SLC44A5: variants seen among roughly 807,000 people sequenced by gnomAD.
SLC44A5 encodes the protein choline transporter-like protein 5.
SLC44A5 carries 57 observed loss-of-function variants against 101.8 expected under a neutral mutation model. The observed-to-expected ratio is 0.56, with a 90% CI of 0.45 to 0.70. The LOEUF (loss-of-function observed/expected upper bound fraction) is 0.70, where lower values mean the gene tolerates loss of function less well. Among genes scored for constraint, SLC44A5 ranks in the 30% least tolerant of loss-of-function variants. SLC44A5 has a pLI of 0.00. For missense variants in SLC44A5, 737 were observed against 853.1 expected (o/e 0.86, Z 1.70); for synonymous variants, 281 against 290.9 (o/e 0.97, Z 0.35).
chr1:75,271,497 T>TTTTTTTTGTGTGTG (rs1553152601), intron 6 of SLC44A5, among the ~76,000 whole-genome samples: 14 of 146,396 alleles, frequency 9.6e-5, no homozygotes, highest in Middle Eastern at 3.5e-3. Context: ...TCTGCATGTT[T>TTTTTTTTGTGTGTG]TGTGTGTGTG....
At chr1:75,605,416 C>G (rs567697746) in intron 1 of SLC44A5, among the ~76,000 whole-genome samples, 289 of 151,980 alleles carry the variant, frequency 1.9e-3, no homozygotes, top group African/African-American at 6.7e-3. Context: ...ATCCAAAATC[C>G]TAATGGCCCA....
rs1450439462 is a variant in SLC44A5 at position 75,234,188 on chromosome 1, AT to A, written c.741-91del. On this transcript the variant is annotated intron_variant, in intron 11 of 23. Transcript: ENST00000370859. Reference sequence around the variant, plus strand: ...AGACAAAACTTTTTTTCTATTCAAAATTATTCTTAAATTCTTTTATTTTACC... The same window carrying A: ...AGACAAAACTTTTTTTCTATTCAAAATATTCTTAAATTCTTTTATTTTACC... 3 of 807,088 alleles carry A rather than the reference AT, an allele frequency of 3.7e-6. No individual in the cohort carries two copies. In the African/African-American group the frequency reaches 5.3e-5, roughly 14 times the overall value. The allele number at this position is 807,088 out of a possible 1,614,324, so 50.0% of individuals were successfully genotyped here. A position where few individuals can be genotyped will look rare whatever the true frequency, so the allele number is the denominator to read the frequency against.
chr1:75,297,769 G>C (rs538029967), intron 5 of SLC44A5, among the ~76,000 whole-genome samples: 21 of 152,246 alleles, frequency 1.4e-4, no homozygotes, highest in African/African-American at 4.1e-4. Flanking sequence ...ATAAAGGTTA[G>C]TTTGATCTTT....
chr1:75,641,868 T>G, the SLC44A5 span: 1 of 1,529,936 alleles, frequency 6.5e-7, no homozygotes, highest in Non-Finnish European at 9.1e-7. Flanking sequence ...ACCACTACTG[T>G]GATATATTTA....
intron 1 of SLC44A5, among the ~76,000 whole-genome samples, chr1:75,583,030 G>C (rs1352162085): frequency 6.6e-6 from 1 of 152,126 alleles, no homozygotes; most frequent in Non-Finnish European, 1.5e-5. Context: ...TTGTCATCCA[G>C]TATTAAAAAG....
At chr1:75,666,325 T>C in the SLC44A5 span, among the ~76,000 whole-genome samples, 1 of 152,134 alleles carries the variant, frequency 6.6e-6, no homozygotes, top group Non-Finnish European at 1.5e-5. Context: ...CTAGAAAATC[T>C]AGAAGAAATG....
chr1:75,653,030 T>A, the SLC44A5 span, among the ~76,000 whole-genome samples: 1 of 152,226 alleles, frequency 6.6e-6, no homozygotes, highest in Non-Finnish European at 1.5e-5. Context: ...ATTCTGTGAT[T>A]GAAACTTCCT....
chr1:75,503,273 C>CA (rs890666853), intron 2 of SLC44A5, among the ~76,000 whole-genome samples: 2 of 152,082 alleles, frequency 1.3e-5, no homozygotes, highest in Non-Finnish European at 2.9e-5. Flanking sequence ...ACATTCTCTT[C>CA]AAAAAATGCA....
intron 3 of SLC44A5, among the ~76,000 whole-genome samples, chr1:75,375,592 C>T (rs1269225321): frequency 2.7e-5 from 4 of 150,738 alleles, no homozygotes; most frequent in African/African-American, 9.8e-5. Context: ...AGAAAAGGGT[C>T]ATATCACTTT....
chr1:75,476,629 C>T (rs1667423113), intron 2 of SLC44A5, among the ~76,000 whole-genome samples: 1 of 152,244 alleles, frequency 6.6e-6, no homozygotes, highest in Middle Eastern at 3.2e-3. Context: ...GGTCCTACGC[C>T]CACGGAGTCT....
At chr1:75,536,782 G>A (rs1288552637) in intron 2 of SLC44A5, among the ~76,000 whole-genome samples, 22 of 146,162 alleles carry the variant, frequency 1.5e-4, no homozygotes, top group Non-Finnish European at 2.9e-4. Flanking sequence ...CGAGGCGGGC[G>A]GATCACGAGG....
At chr1:75,230,253 CTT>C (rs5775278) in intron 12 of SLC44A5, among the ~76,000 whole-genome samples, 26 of 146,916 alleles carry the variant, frequency 1.8e-4, no homozygotes, top group East Asian at 1.0e-3. Context: ...AATGAATTCA[CTT>C]TTTTTTTTTT....
intron 2 of SLC44A5, among the ~76,000 whole-genome samples, chr1:75,468,133 C>T (rs905460249): frequency 1.3e-5 from 2 of 152,036 alleles, no homozygotes; most frequent in Non-Finnish European, 2.9e-5. Flanking sequence ...CATCTCATCC[C>T]GGTTAAAATG....
At chr1:75,677,297 A>G in the SLC44A5 span, among the ~76,000 whole-genome samples, 1 of 152,212 alleles carries the variant, frequency 6.6e-6, no homozygotes, top group Admixed American at 6.5e-5. Flanking sequence ...ACTTTTCAAG[A>G]CATAGATAGT....
At chr1:75,674,925 G>A in the SLC44A5 span, among the ~76,000 whole-genome samples, 2 of 152,124 alleles carry the variant, frequency 1.3e-5, no homozygotes, top group Non-Finnish European at 2.9e-5. Flanking sequence ...GGTTGTAGAT[G>A]TGCAGTCTTA....
At chr1:75,311,370 G>T (rs1289954373) in intron 4 of SLC44A5, among the ~76,000 whole-genome samples, 1 of 152,166 alleles carries the variant, frequency 6.6e-6, no homozygotes, top group East Asian at 1.9e-4. Flanking sequence ...GCTGGGCTTG[G>T]CCTCCCAAAG....
chr1:75,377,918 A>AT (rs1207068191), intron 3 of SLC44A5, among the ~76,000 whole-genome samples: 9 of 35,348 alleles, frequency 2.5e-4, no homozygotes, highest in Non-Finnish European at 3.1e-4. Context: ...GGGATCCTCC[A>AT]TATGCTGAAC....
the SLC44A5 span, among the ~76,000 whole-genome samples, chr1:75,688,619 A>G: frequency 2.0e-5 from 3 of 152,102 alleles, no homozygotes; most frequent in Non-Finnish European, 4.4e-5. Context: ...AAGCCCTCCC[A>G]TTTTCAAAGC....
intron 3 of SLC44A5, among the ~76,000 whole-genome samples, chr1:75,348,264 C>T (rs994002996): frequency 6.6e-6 from 1 of 151,910 alleles, no homozygotes; most frequent in Non-Finnish European, 1.5e-5. Context: ...GGAAAAATAT[C>T]AGGCCAAAAT....
Sources: gnomAD v4.1 joint callset for allele counts (sites outside exome capture counted in the v4.1 genomes callset) on GRCh38, gnomAD v4.1.1 for gene constraint, MANE v1.5 for transcripts, NCBI Gene and HGNC (gene_info 2026-07-23, HGNC 2026-07-21) for gene names.